PAPPA: variants seen among roughly 807,000 people sequenced by gnomAD.
PAPPA encodes pappalysin 1.
In PAPPA, 60 loss-of-function variants were observed where a neutral mutation model predicts 164.0. That is an observed-to-expected ratio of 0.37 (90% CI 0.30 to 0.45). The LOEUF (loss-of-function observed/expected upper bound fraction) is 0.45, where lower values mean the gene tolerates loss of function less well. Among genes scored for constraint, PAPPA ranks in the 20% least tolerant of loss-of-function variants. The pLI is 1.00. For synonymous variants in PAPPA, 875 were observed against 814.1 expected (o/e 1.07, Z -1.27); for missense variants, 1,782 against 2,087.3 (o/e 0.85, Z 2.85).
intron 17 of PAPPA, among the ~76,000 whole-genome samples, chr9:116,359,557 G>A (rs1009204860): frequency 2.6e-5 from 4 of 152,214 alleles, no homozygotes; most frequent in African/African-American, 9.6e-5. Context: ...AGTGATGCCA[G>A]ATCTTCTCTG....
rs1161253092 is a variant in PAPPA, at chr9:116,334,976, C to T, written c.3513C>T (p.Val1171=). ...AVRVSFSSPL[V]AISGVALRSF... is the part of the protein sequence containing the mutation. ...GTGTGAGCTTCAGTTCGCCCCTGGT[C>T]GCCATCTCGGGGGTGGCCCTCCGTT... The change falls in exon 13 of 22, where the codon GTC becomes GTT. Residue 1171 remains valine (V), a synonymous_variant. Transcript: ENST00000328252. The T allele has an allele frequency of 3.7e-6, 6 of 1,613,824 alleles. 1 individual carries two copies. Among genetic ancestry groups the T allele is most frequent in the Non-Finnish European group, 1.7e-6 (2 of 1,179,980 alleles).
At chr9:116,344,745 C>T in intron 14 of PAPPA, 34 bp downstream of exon 14, 2 of 1,590,540 alleles carry the variant, frequency 1.3e-6, no homozygotes, top group Non-Finnish European at 1.7e-6. Context: ...AGCCTCTCTG[C>T]AGCCCAGGGA....
At chr9:116,186,147 T>C (rs1178146120) in intron 1 of PAPPA, among the ~76,000 whole-genome samples, 1 of 151,958 alleles carries the variant, frequency 6.6e-6, no homozygotes, top group Non-Finnish European at 1.5e-5. Flanking sequence ...GAGATTTTGC[T>C]CATTATTATT....
intron 9 of PAPPA, among the ~76,000 whole-genome samples, chr9:116,274,613 AG>A (rs971544526): frequency 3.3e-5 from 5 of 152,350 alleles, no homozygotes; most frequent in Admixed American, 6.5e-5. Flanking sequence ...GCTAAGCCTC[AG>A]TGTTCTCATG....
chr9:116,300,386 T>C (rs1016134004), intron 9 of PAPPA, among the ~76,000 whole-genome samples: 2 of 152,136 alleles, frequency 1.3e-5, no homozygotes, highest in African/African-American at 4.8e-5. Flanking sequence ...CAATAAATCC[T>C]CCCACCTCAG....
At chr9:116,263,420 G>A (rs968270512) in intron 7 of PAPPA, among the ~76,000 whole-genome samples, 12 of 152,282 alleles carry the variant, frequency 7.9e-5, no homozygotes, top group African/African-American at 2.6e-4. Flanking sequence ...ACACATGGTA[G>A]ATGATGGCTG....
In PAPPA at chr9:116,344,643, T is replaced by C. The variant is rs978842011; in HGVS notation, c.3712T>C (p.Cys1238Arg). 5.6e-6 allele frequency: 9 copies of C among 1,614,018 alleles called. No homozygotes were observed. The highest frequency in any genetic ancestry group is 4.5e-5 in the East Asian group (2 of 44,888). The change falls in exon 14 of 22, where the codon TGT becomes CGT. Residue 1238 changes from cysteine to arginine, a missense_variant. Transcript: ENST00000328252. Reference protein sequence around the residue: ...SSSDRYHGAQCTVSCRTGYVL... With the variant: ...SSSDRYHGAQRTVSCRTGYVL... ...CAGCGACCGCTACCACGGTGCCCAG[T>C]GTACTGTGAGCTGCCGGACAGGCTA...
intron 1 of PAPPA, among the ~76,000 whole-genome samples, chr9:116,162,371 C>T (rs921737102): frequency 6.6e-6 from 1 of 152,170 alleles, no homozygotes; most frequent in African/African-American, 2.4e-5. Flanking sequence ...CCTTAGTTCT[C>T]GTTTTTCTGG....
intron 2 of PAPPA, among the ~76,000 whole-genome samples, chr9:116,193,003 A>G (rs1003264049): frequency 6.6e-6 from 1 of 152,128 alleles, no homozygotes; most frequent in African/African-American, 2.4e-5. Flanking sequence ...GTTCATGAAT[A>G]TCTACTCATA....
At chr9:116,296,315 G>T (rs748875323) in intron 9 of PAPPA, among the ~76,000 whole-genome samples, 2 of 152,196 alleles carry the variant, frequency 1.3e-5, no homozygotes, top group Non-Finnish European at 1.5e-5. Flanking sequence ...CAAGCACCTA[G>T]TTAGTTTAGT....
intron 6 of PAPPA, among the ~76,000 whole-genome samples, chr9:116,233,278 G>A (rs1844620761): frequency 6.6e-6 from 1 of 152,214 alleles, no homozygotes; most frequent in Non-Finnish European, 1.5e-5. Flanking sequence ...AATCAGATGA[G>A]TTAACTAATA....
In PAPPA at chr9:116,154,697, C is replaced by T. The variant is rs896125006; in HGVS notation, c.415+110C>T. The T allele has an allele frequency of 4.2e-6, 5 of 1,189,982 alleles. No individual in the cohort carries two copies. Among genetic ancestry groups the T allele is most frequent in the Admixed American group, 4.3e-5 (1 of 23,180 alleles). The allele number at this position is 1,189,982 out of a possible 1,614,324, so 73.7% of individuals were successfully genotyped here. On this transcript the variant is annotated intron_variant, in intron 1 of 21. Coordinates refer to ENST00000328252, the MANE Select transcript of PAPPA (RefSeq NM_002581.5). This position sits in a 1 kb window ranked among gnomAD's most constrained non-coding sequence, Gnocchi z 5.2. ...TCGGGGGCTTGCGGGCGTGTCTGTG[C>T]GAGAGCTGCCCCGCGAGCGGCGCAG...
chr9:116,283,021 C>T (rs1403792710), intron 9 of PAPPA, among the ~76,000 whole-genome samples: 1 of 151,914 alleles, frequency 6.6e-6, no homozygotes, highest in Non-Finnish European at 1.5e-5. Context: ...TCTTACTGGA[C>T]AGAAAGATAA....
chr9:116,180,361 G>A (rs868484763), intron 1 of PAPPA, among the ~76,000 whole-genome samples: 5 of 152,078 alleles, frequency 3.3e-5, no homozygotes, highest in Admixed American at 6.5e-5. Flanking sequence ...AGAGATGAGA[G>A]TTAGAATTGT....
intron 21 of PAPPA, among the ~76,000 whole-genome samples, chr9:116,387,373 T>C (rs1294116951): frequency 6.6e-6 from 1 of 152,188 alleles, no homozygotes; most frequent in Non-Finnish European, 1.5e-5. Flanking sequence ...AATAACCCTG[T>C]TGTAGATGTT....
At chr9:116,296,718 G>A (rs1233186166) in intron 9 of PAPPA, among the ~76,000 whole-genome samples, 1 of 152,156 alleles carries the variant, frequency 6.6e-6, no homozygotes, top group African/African-American at 2.4e-5. Context: ...CACATTTCAG[G>A]CAGAGAAAAA....
chr9:116,224,351 C>A (rs528340262), intron 5 of PAPPA, among the ~76,000 whole-genome samples: 13 of 152,200 alleles, frequency 8.5e-5, no homozygotes, highest in African/African-American at 3.1e-4. Flanking sequence ...GGACTGAAAA[C>A]CAAGAAACCT....
At chr9:116,371,417 G>GAAT (rs1304845882) in intron 19 of PAPPA, among the ~76,000 whole-genome samples, 1 of 151,934 alleles carries the variant, frequency 6.6e-6, no homozygotes, top group Admixed American at 6.6e-5. Flanking sequence ...ACTCTGTCTC[G>GAAT]AATAATAATA....
At position 116,193,676 on chromosome 9, in the gene PAPPA, T is replaced by A. The variant is rs895302854; in HGVS notation, c.1478+5460T>A. 3.9e-5 allele frequency among the ~76,000 whole-genome samples: 6 copies of A among 152,272 alleles called. No homozygotes were observed. The South Asian group carries it at 1.2e-3, about 32-fold the overall frequency. On this transcript the variant is annotated intron_variant, in intron 2 of 21. Coordinates refer to ENST00000328252, the MANE Select transcript of PAPPA (RefSeq NM_002581.5). ...TTTAGTATGTTTATGTTCTTACCCA[T>A]CATCCACATTCCATTAAGACACCTT... is the stretch of plus-strand genomic sequence containing the variant.
Sources: gnomAD v4.1 joint callset for allele counts (sites outside exome capture counted in the v4.1 genomes callset) on GRCh38, gnomAD v4.1.1 for gene constraint, Gnocchi (gnomAD v3.1) non-coding constraint, MANE v1.5 for transcripts, NCBI Gene and HGNC (gene_info 2026-07-23, HGNC 2026-07-21) for gene names.